The following IGFBPL1 variants were observed in gnomAD, a reference collection of about 807,000 sequenced individuals.
IGFBPL1 encodes the protein insulin-like growth factor-binding protein-like 1.
In IGFBPL1, 20 loss-of-function variants were observed where a neutral mutation model predicts 23.9. The ratio of observed to expected loss-of-function variants is 0.84; its 90% CI spans 0.59 to 1.22. IGFBPL1 has a LOEUF of 1.22. IGFBPL1 is among the 50% of genes most tolerant of loss of function. The pLI, the probability that IGFBPL1 is intolerant of heterozygous loss-of-function variation, is 0.00. For synonymous variants in IGFBPL1, 184 were observed against 171.8 expected (o/e 1.07, Z -0.56); for missense variants, 436 against 379.3 (o/e 1.15, Z -1.24).
chr9:38,412,077 G>A (rs1182203099), intron 3 of IGFBPL1, among the ~76,000 whole-genome samples: 1 of 152,218 alleles, frequency 6.6e-6, no homozygotes, highest in African/African-American at 2.4e-5. Context: ...TCCCAGAGCT[G>A]TGGGTGGAAT....
chr9:38,424,071 G>T lies in IGFBPL1; in HGVS notation c.354C>A (p.Asp118Glu), dbSNP rs1410534444. The T allele has an allele frequency of 7.2e-7, 1 of 1,396,982 alleles. No homozygotes were observed. Among genetic ancestry groups the T allele is most frequent in the Non-Finnish European group, 9.2e-7 (1 of 1,081,482 alleles). 86.5% of individuals were successfully genotyped at this position (1,396,982 alleles called of 1,614,324 possible). ...CAQRGTVCGS[D>E]GRSYPSVCAL... ...CGCAGACGCTGGGGTACGAGCGACC[G>T]TCGGAGCCGCAGACGGTGCCGCGCT... is the stretch of plus-strand genomic sequence containing the variant. The change falls in exon 1 of 5, where the codon GAC (aspartate) becomes GAA (glutamate). Residue 118 changes from aspartate to glutamate, a missense_variant. Physicochemically the swap from Asp to Glu is conservative, Grantham distance 45. Transcript: ENST00000377694.
At position 38,411,394 on chromosome 9, in the gene IGFBPL1, T is replaced by C; in HGVS notation, c.*6A>G. On this transcript the variant is annotated 3_prime_UTR_variant, in exon 4 of 5. Coordinates refer to ENST00000377694, the MANE Select transcript of IGFBPL1 (RefSeq NM_001007563.3). ...GAAAATGACTTAGAACATGTACATT[T>C]CTCCATCACATGCGGTCATCGGGAG... is the stretch of plus-strand genomic sequence containing the variant. 1 of 1,612,184 alleles carries C rather than the reference T, an allele frequency of 6.2e-7. No individual in the cohort carries two copies.
chr9:38,419,794 G>A (rs1821649328), intron 1 of IGFBPL1, among the ~76,000 whole-genome samples: 1 of 152,090 alleles, frequency 6.6e-6, no homozygotes, highest in African/African-American at 2.4e-5. Flanking sequence ...ATGTATCGAA[G>A]ACCCACGTAT....
At chr9:38,413,204 A>G (rs776935552) in intron 3 of IGFBPL1, 33 bp downstream of exon 3, 1 of 1,277,458 alleles carries the variant, frequency 7.8e-7, no homozygotes, top group African/African-American at 1.5e-5. Context: ...TATAATGGTC[A>G]GTCAATAATA....
intron 4 of IGFBPL1, among the ~76,000 whole-genome samples, chr9:38,409,821 A>G (rs1427023592): frequency 2.0e-5 from 3 of 151,924 alleles, no homozygotes; most frequent in Non-Finnish European, 4.4e-5. Context: ...GCCTCTAACT[A>G]CTCACGTACA....
At position 38,406,545 on chromosome 9, in the gene IGFBPL1, A is replaced by T. The variant is rs1821432258; in HGVS notation, c.*2682T>A. Among the ~76,000 whole-genome samples, 1 of 152,042 alleles carries T rather than the reference A, an allele frequency of 6.6e-6. No individual in the cohort carries two copies. Among genetic ancestry groups the T allele is most frequent in the South Asian group, 2.1e-4 (1 of 4,824 alleles). ...ACAAAGACTGTCCTTAAAAACATTT[A>T]TTTTTTTCAGGGTGCAGGGGTCGTG... On this transcript the variant is annotated 3_prime_UTR_variant, in exon 5 of 5. Transcript: ENST00000377694.
chr9:38,410,839 A>G (rs1160228181), intron 4 of IGFBPL1, among the ~76,000 whole-genome samples: 1 of 152,358 alleles, frequency 6.6e-6, no homozygotes, highest in East Asian at 1.9e-4. Flanking sequence ...GTGACTACAG[A>G]CTAGGAGGCC....
At chr9:38,416,421 T>C (rs1821599765) in intron 1 of IGFBPL1, among the ~76,000 whole-genome samples, 1 of 152,112 alleles carries the variant, frequency 6.6e-6, no homozygotes, top group Admixed American at 6.5e-5. Flanking sequence ...TGGCAAAAAA[T>C]ACAAATTCCT....
Position 38,416,667 on chromosome 9 carries a change from C to T in IGFBPL1, c.461-2464G>A, listed in dbSNP as rs538852161. Among the ~76,000 whole-genome samples, 125 of 130,914 alleles carry T rather than the reference C, an allele frequency of 9.5e-4. 1 individual carries two copies. Among genetic ancestry groups the T allele is most frequent in the South Asian group, 2.5e-3 (9 of 3,582 alleles). The allele number at this position is 130,914 out of a possible 152,430, so 85.9% of individuals were successfully genotyped here. A position where few individuals can be genotyped will look rare whatever the true frequency, so the allele number is the denominator to read the frequency against. On this transcript the variant is annotated intron_variant, in intron 1 of 4. Coordinates refer to ENST00000377694, the MANE Select transcript of IGFBPL1 (RefSeq NM_001007563.3). ...GTCATGTTGCTCATGCCATAATAATCCGGTTCTAATTTTTTTTTTTTTTTT... is the reference window on the plus strand; with the variant it reads ...GTCATGTTGCTCATGCCATAATAATTCGGTTCTAATTTTTTTTTTTTTTTT...
At chr9:38,423,026 C>T (rs906260415) in intron 1 of IGFBPL1, among the ~76,000 whole-genome samples, 1 of 152,166 alleles carries the variant, frequency 6.6e-6, no homozygotes, top group African/African-American at 2.4e-5. Context: ...ACTCACTGGC[C>T]ACCTTCTCAC....
intron 3 of IGFBPL1, among the ~76,000 whole-genome samples, 191 bp from the exon 4 acceptor site, chr9:38,411,740 G>C (rs934722697): frequency 6.6e-6 from 1 of 152,152 alleles, no homozygotes; most frequent in African/African-American, 2.4e-5. Context: ...CCTCTTGAAA[G>C]GCACGCTCCC....
In IGFBPL1 at chr9:38,413,447, C is replaced by G. The variant is rs1821546587; in HGVS notation, c.571-94G>C. The G allele has an allele frequency of 6.5e-6, 5 of 768,432 alleles. 1 individual carries two copies. Among genetic ancestry groups the G allele is most frequent in the Middle Eastern group, 5.3e-4 (2 of 3,772 alleles). The allele number at this position is 768,432 out of a possible 1,614,324, so 47.6% of individuals were successfully genotyped here. Reference sequence around the variant, plus strand: ...CTTCCTTGCCCTCCTCCTTCCTCCTCCTCCCACTGACTCAAAAACGGAAAC... The same window carrying G: ...CTTCCTTGCCCTCCTCCTTCCTCCTGCTCCCACTGACTCAAAAACGGAAAC... On this transcript the variant is annotated intron_variant, in intron 2 of 4. Coordinates refer to ENST00000377694, the MANE Select transcript of IGFBPL1 (RefSeq NM_001007563.3).
chr9:38,419,974 C>T lies in IGFBPL1; in HGVS notation c.460+3991G>A, dbSNP rs7029495. On this transcript the variant is annotated intron_variant, in intron 1 of 4. Transcript: ENST00000377694. Reference sequence around the variant, plus strand: ...GCATGATCATAGCTCACTGTAGCCTCGAACTCCTGGGCTCAAGAAATCCTC... The same window carrying T: ...GCATGATCATAGCTCACTGTAGCCTTGAACTCCTGGGCTCAAGAAATCCTC... Among the ~76,000 whole-genome samples the T allele has an allele frequency of 8.8e-3, 1,343 of 151,966 alleles. 17 individuals are homozygous for T. Among genetic ancestry groups the T allele is most frequent in the African/African-American group, 0.027 (1,117 of 41,472 alleles).
chr9:38,415,543 A>G (rs577914004), intron 1 of IGFBPL1, among the ~76,000 whole-genome samples: 26 of 152,286 alleles, frequency 1.7e-4, no homozygotes, highest in African/African-American at 6.3e-4. Context: ...GTGCCAAAAA[A>G]TCTCTGGAAA....
intron 1 of IGFBPL1, among the ~76,000 whole-genome samples, chr9:38,420,983 G>GC (rs1821670408): frequency 6.6e-6 from 1 of 152,096 alleles, no homozygotes; most frequent in Non-Finnish European, 1.5e-5. Flanking sequence ...CAGGACACTT[G>GC]TAAAAATCAT....
chr9:38,410,438 G>A (rs7848816), intron 4 of IGFBPL1, among the ~76,000 whole-genome samples: 21,551 of 148,268 alleles, frequency 0.15, 2,010 homozygotes, highest in East Asian at 0.46. Context: ...AGCCGAGATC[G>A]CACCACTGCA....
chr9:38,412,235 C>T (rs1386656615), intron 3 of IGFBPL1, among the ~76,000 whole-genome samples: 2 of 152,204 alleles, frequency 1.3e-5, no homozygotes, highest in Non-Finnish European at 1.5e-5. Flanking sequence ...CGCACATCAG[C>T]TCGTTTTAAA....
At chr9:38,415,593 T>A (rs1457394651) in intron 1 of IGFBPL1, among the ~76,000 whole-genome samples, 1 of 152,190 alleles carries the variant, frequency 6.6e-6, no homozygotes, top group Admixed American at 6.5e-5. Context: ...AGAGGCTCTT[T>A]AGCATCCTGA....
chr9:38,410,326 CA>C (rs367784152), intron 4 of IGFBPL1, among the ~76,000 whole-genome samples: 6,836 of 151,862 alleles, frequency 0.045, 241 homozygotes, highest in East Asian at 0.1. Flanking sequence ...ACTAAAAATA[CA>C]AAAAAATTAG....
Sources: gnomAD v4.1 joint callset for allele counts (sites outside exome capture counted in the v4.1 genomes callset) on GRCh38, gnomAD v4.1.1 for gene constraint, MANE v1.5 for transcripts, NCBI Gene and HGNC (gene_info 2026-07-23, HGNC 2026-07-21) for gene names.